Variants in MAPRE2 observed in about 807,000 individuals in gnomAD.
The protein encoded by MAPRE2 is microtubule-associated protein RP/EB family member 2.
A neutral mutation model predicts 43.2 loss-of-function variants in MAPRE2; 13 were observed. The ratio of observed to expected loss-of-function variants is 0.30; its 90% CI spans 0.20 to 0.48. The LOEUF (loss-of-function observed/expected upper bound fraction) is 0.48, where lower values mean the gene tolerates loss of function less well. Ranked by LOEUF, MAPRE2 falls within the 20% of genes least tolerant of loss-of-function variation. The probability of loss-of-function intolerance (pLI) is 0.99; values close to 1 mark genes in which losing one functional copy is unlikely to be tolerated. For synonymous variants in MAPRE2, 135 were observed against 148.8 expected (o/e 0.91, Z 0.68); for missense variants, 161 against 400.2 (o/e 0.40, Z 5.10).
chr18:34,995,133 T>C (rs1034747056), intron 1 of MAPRE2, among the ~76,000 whole-genome samples: 1 of 152,208 alleles, frequency 6.6e-6, no homozygotes, highest in Non-Finnish European at 1.5e-5. Flanking sequence ...TTCTTTTCCC[T>C]CAGTTTGAAA....
At chr18:35,079,497 G>A (rs1292443148) in intron 2 of MAPRE2, among the ~76,000 whole-genome samples, 1 of 152,116 alleles carries the variant, frequency 6.6e-6, no homozygotes, top group Non-Finnish European at 1.5e-5. Context: ...AGTAGACACC[G>A]ATTTCCCATC....
At chr18:35,013,301 CT>C (rs2150583926) in intron 2 of MAPRE2, among the ~76,000 whole-genome samples, 1 of 152,134 alleles carries the variant, frequency 6.6e-6, no homozygotes, top group East Asian at 1.9e-4. Context: ...TAGAAGAGAC[CT>C]GAGTGATTTA....
chr18:35,031,616 A>T (rs963720702), intron 2 of MAPRE2, among the ~76,000 whole-genome samples: 8 of 152,238 alleles, frequency 5.3e-5, no homozygotes, highest in African/African-American at 1.9e-4. Context: ...CAAGCTTGAG[A>T]AAATCTAAGA....
At position 35,141,437 on chromosome 18, in the gene MAPRE2, T is replaced by C. The variant is rs1040301385; in HGVS notation, c.*1068T>C. 1 of 152,232 alleles carries C rather than the reference T, an allele frequency of 6.6e-6. No individual in the cohort carries two copies. The highest frequency in any genetic ancestry group is 2.4e-5 in the African/African-American group (1 of 41,462). 9.4% of individuals were successfully genotyped at this position (152,232 alleles called of 1,614,324 possible). A position where few individuals can be genotyped will look rare whatever the true frequency, so the allele number is the denominator to read the frequency against. Reference sequence around the variant, plus strand: ...GAGGGAGAATCATGGTTCTGCAGTCTGGTGTAGACACTGGAATAACAGCAC... The same window carrying C: ...GAGGGAGAATCATGGTTCTGCAGTCCGGTGTAGACACTGGAATAACAGCAC... On this transcript the variant is annotated 3_prime_UTR_variant, in exon 7 of 7. Coordinates refer to ENST00000300249, the MANE Select transcript of MAPRE2 (RefSeq NM_014268.4).
At chr18:35,061,430 C>G (rs754292737) in intron 1 of MAPRE2, among the ~76,000 whole-genome samples, 2 of 152,172 alleles carry the variant, frequency 1.3e-5, no homozygotes, top group Non-Finnish European at 2.9e-5. Flanking sequence ...CTCCATCATC[C>G]TTGTGTGAAG....
intron 4 of MAPRE2, among the ~76,000 whole-genome samples, chr18:35,112,742 G>T (rs1015998704): frequency 2.0e-5 from 3 of 152,152 alleles, no homozygotes; most frequent in Non-Finnish European, 4.4e-5. Flanking sequence ...GACACTGCTA[G>T]ACTTTTCTCC....
intron 1 of MAPRE2, among the ~76,000 whole-genome samples, chr18:35,043,531 A>G (rs1905468851): frequency 6.6e-6 from 1 of 152,168 alleles, no homozygotes; most frequent in Non-Finnish European, 1.5e-5. Context: ...CTTTAATTCA[A>G]CCCAGGCTAT....
chr18:34,994,087 T>C (rs1462141833), intron 1 of MAPRE2, among the ~76,000 whole-genome samples: 1 of 151,352 alleles, frequency 6.6e-6, no homozygotes, highest in Non-Finnish European at 1.5e-5. Flanking sequence ...GCTTTGCAGA[T>C]CATCTGAGCT....
rs1160653466 is a variant in MAPRE2, at chr18:35,143,064, A to G, written c.*2695A>G. 2 of 124,052 alleles carry G rather than the reference A, an allele frequency of 1.6e-5. No individual in the cohort carries two copies. The highest frequency in any genetic ancestry group is 8.3e-5 in the Admixed American group (1 of 12,106). The allele number at this position is 124,052 out of a possible 1,614,324, so 7.7% of individuals were successfully genotyped here. ...AAAGCCCATATTTGTTCTAAGCAGAAAAGCAGGAAAAAAAAAAAAAAAAAA... is the reference window on the plus strand; with the variant it reads ...AAAGCCCATATTTGTTCTAAGCAGAGAAGCAGGAAAAAAAAAAAAAAAAAA... On this transcript the variant is annotated 3_prime_UTR_variant, in exon 7 of 7. Transcript: ENST00000300249.
chr18:35,101,452 A>G (rs894742164), intron 3 of MAPRE2, among the ~76,000 whole-genome samples: 1 of 152,178 alleles, frequency 6.6e-6, no homozygotes, highest in Non-Finnish European at 1.5e-5. Flanking sequence ...TTAAGTTACT[A>G]TTGACTATAA....
intron 2 of MAPRE2, among the ~76,000 whole-genome samples, chr18:35,090,882 C>T (rs1445319250): frequency 6.6e-6 from 1 of 152,004 alleles, no homozygotes; most frequent in African/African-American, 2.4e-5. Flanking sequence ...GATACAAAAT[C>T]AGCGTAACAA....
At chr18:35,094,214 G>A (rs1908298261) in intron 2 of MAPRE2, among the ~76,000 whole-genome samples, 1 of 152,076 alleles carries the variant, frequency 6.6e-6, no homozygotes, top group Non-Finnish European at 1.5e-5. Context: ...GATCACACTT[G>A]TACCCCATAA....
chr18:35,019,571 C>A (rs1254692116), intron 2 of MAPRE2, among the ~76,000 whole-genome samples: 1 of 151,946 alleles, frequency 6.6e-6, no homozygotes, highest in African/African-American at 2.4e-5. Context: ...ATTTTATTTT[C>A]TTCTTCTTTA....
chr18:34,991,944 G>A (rs993691724), intron 1 of MAPRE2, among the ~76,000 whole-genome samples: 6 of 152,132 alleles, frequency 3.9e-5, no homozygotes, highest in African/African-American at 1.4e-4. Flanking sequence ...GTTCTTGTGA[G>A]GCCTAGTGGT....
intron 1 of MAPRE2, among the ~76,000 whole-genome samples, chr18:35,066,102 G>T (rs1212956717): frequency 6.6e-6 from 1 of 152,222 alleles, no homozygotes; most frequent in Non-Finnish European, 1.5e-5. Flanking sequence ...TAGTTAGTAT[G>T]ACCTTACCTT....
At chr18:34,978,643 T>A (rs1054539265) in intron 1 of MAPRE2, 23 of 1,000,602 alleles carry the variant, frequency 2.3e-5, no homozygotes, top group Non-Finnish European at 3.4e-5. Flanking sequence ...TTAGCCAGTG[T>A]CCCCTCTGGA....
At chr18:35,103,916 G>T (rs1161356119) in intron 4 of MAPRE2, among the ~76,000 whole-genome samples, 1 of 152,164 alleles carries the variant, frequency 6.6e-6, no homozygotes, top group Non-Finnish European at 1.5e-5. Context: ...AAAAGTTGGA[G>T]AAAGGAAATT....
At chr18:35,120,360 T>C (rs867092488) in intron 4 of MAPRE2, among the ~76,000 whole-genome samples, 8 of 152,226 alleles carry the variant, frequency 5.3e-5, no homozygotes, top group Middle Eastern at 6.8e-3. Context: ...AGAACAGAAG[T>C]CCTAAGGGCT....
intron 1 of MAPRE2, among the ~76,000 whole-genome samples, chr18:34,993,696 C>A (rs2097024962): frequency 6.6e-6 from 1 of 152,118 alleles, no homozygotes; most frequent in South Asian, 2.1e-4. Flanking sequence ...CTTCTCCTGG[C>A]CAGGCCGTGG....
Sources: allele counts gnomAD v4.1 joint callset (sites outside exome capture counted in the v4.1 genomes callset), GRCh38; gene constraint gnomAD v4.1.1; transcripts MANE v1.5; gene names NCBI Gene and HGNC (gene_info 2026-07-23, HGNC 2026-07-21).